NRXN1: variants seen among roughly 807,000 people sequenced by gnomAD.
NRXN1 encodes the protein neurexin-1.
Under a neutral mutation model 150.9 loss-of-function variants are expected in NRXN1, and 39 were observed. The observed-to-expected ratio is 0.26, with a 90% CI of 0.20 to 0.34. NRXN1 has a LOEUF of 0.34. Among genes scored for constraint, NRXN1 ranks in the 10% least tolerant of loss-of-function variants. The pLI is 1.00. For missense variants in NRXN1, 1,815 were observed against 1,949.9 expected (o/e 0.93, Z 1.30); for synonymous variants, 924 against 757.0 (o/e 1.22, Z -3.62).
intron 17 of NRXN1, among the ~76,000 whole-genome samples, chr2:50,240,966 T>C (rs1411066428): frequency 6.6e-6 from 1 of 151,692 alleles, no homozygotes; most frequent in Non-Finnish European, 1.5e-5. Context: ...AAGTTGGACA[T>C]ATTTCAAAGT....
At chr2:50,882,527 A>G (rs1316503007) in intron 5 of NRXN1, among the ~76,000 whole-genome samples, 1 of 151,868 alleles carries the variant, frequency 6.6e-6, no homozygotes, top group Admixed American at 6.6e-5. Flanking sequence ...GCTTCAGTGC[A>G]GTTTTCTCCC....
intron 18 of NRXN1, among the ~76,000 whole-genome samples, chr2:50,136,025 T>G (rs1706350983): frequency 6.6e-6 from 1 of 152,188 alleles, no homozygotes; most frequent in African/African-American, 2.4e-5. Flanking sequence ...TTTTCCTACT[T>G]GCCCAGTCTT....
intron 19 of NRXN1, among the ~76,000 whole-genome samples, chr2:50,089,962 A>G (rs1048069919): frequency 4.6e-5 from 7 of 152,206 alleles, no homozygotes; most frequent in African/African-American, 7.2e-5. Flanking sequence ...TATGGTTCAC[A>G]TAATTGTAGT....
rs372598838 is a variant in NRXN1, at chr2:49,937,391, C to T, written c.4216+6313G>A. Among the ~76,000 whole-genome samples the T allele has an allele frequency of 2.3e-4, 35 of 152,276 alleles. No homozygotes were observed. The South Asian group carries it at 3.5e-3, about 15-fold the overall frequency. ...GACTAAATCTTCCTTGCCTGTTTAA[C>T]TTTGTTCAATATAATTTTTATTCTG... On this transcript the variant is annotated intron_variant, in intron 22 of 22. Transcript: ENST00000401669.
intron 5 of NRXN1, among the ~76,000 whole-genome samples, chr2:50,910,228 G>T (rs1574904287): frequency 6.6e-6 from 1 of 151,818 alleles, no homozygotes; most frequent in Non-Finnish European, 1.5e-5. Flanking sequence ...GATTTAAAAA[G>T]TTAGTTGTTT....
intron 17 of NRXN1, among the ~76,000 whole-genome samples, chr2:50,424,019 A>T (rs1350636631): frequency 6.6e-6 from 1 of 151,666 alleles, no homozygotes; most frequent in East Asian, 2.0e-4. Context: ...AGATCCTGTG[A>T]GGCTGTGGGC....
rs1315687111 is a variant in NRXN1, at chr2:49,919,332, T to C, written c.*2612A>G. 6.6e-6 allele frequency: 1 copy of C among 152,124 alleles called. No homozygotes were observed. Among genetic ancestry groups the C allele is most frequent in the East Asian group, 1.9e-4 (1 of 5,200 alleles). The allele number at this position is 152,124 out of a possible 1,614,324, so 9.4% of individuals were successfully genotyped here. On this transcript the variant is annotated 3_prime_UTR_variant, in exon 23 of 23. Coordinates refer to ENST00000401669, the MANE Select transcript of NRXN1 (RefSeq NM_001330078.2). ...AAAATAATTTTTGCTAGAGTTTGTGTAAGCCAATAATATTAGAAATAATTT... is the reference window on the plus strand; with the variant it reads ...AAAATAATTTTTGCTAGAGTTTGTGCAAGCCAATAATATTAGAAATAATTT...
intron 17 of NRXN1, among the ~76,000 whole-genome samples, chr2:50,424,746 G>A (rs1288993873): frequency 6.6e-6 from 1 of 152,160 alleles, no homozygotes; most frequent in Admixed American, 6.5e-5. Context: ...TATCTAATGA[G>A]TATCAGTCCT....
rs1179609033 is a variant in NRXN1 at position 50,656,399 on chromosome 2, T to C, written c.833-32784A>G. The C allele has an allele frequency of 3.9e-5, 30 of 776,822 alleles. No individual in the cohort carries two copies. The East Asian group carries it at 7.3e-4, about 19-fold the overall frequency. The allele number at this position is 776,822 out of a possible 1,614,324, so 48.1% of individuals were successfully genotyped here. A position where few individuals can be genotyped will look rare whatever the true frequency, so the allele number is the denominator to read the frequency against. On this transcript the variant is annotated intron_variant, in intron 5 of 22. Transcript: ENST00000401669. ...GCTTCCAGAAGTCATGAAAGTGGTC[T>C]GAAGAAGTCACAAATAGGAGTTTAT...
chr2:50,739,567 A>G (rs531332978), intron 5 of NRXN1, among the ~76,000 whole-genome samples: 46 of 152,206 alleles, frequency 3.0e-4, no homozygotes, highest in Non-Finnish European at 5.9e-4. Context: ...CTGCATTATC[A>G]GACCTTACTA....
At chr2:50,447,282 T>C (rs925029585) in intron 17 of NRXN1, among the ~76,000 whole-genome samples, 1 of 151,840 alleles carries the variant, frequency 6.6e-6, no homozygotes, top group South Asian at 2.1e-4. Context: ...GAGATCAGCC[T>C]GGCCAACATG....
chr2:50,265,790 C>T (rs1054052174), intron 17 of NRXN1, among the ~76,000 whole-genome samples: 1 of 152,034 alleles, frequency 6.6e-6, no homozygotes, highest in Admixed American at 6.6e-5. Context: ...TAAGCAAATA[C>T]ATTTCACCCA....
chr2:50,173,338 C>G (rs2060144934), intron 18 of NRXN1, among the ~76,000 whole-genome samples: 1 of 152,106 alleles, frequency 6.6e-6, no homozygotes. Context: ...GTTCCTAGTT[C>G]AAAATATTTT....
chr2:50,390,058 A>G (rs1448438424), intron 17 of NRXN1, among the ~76,000 whole-genome samples: 1 of 152,222 alleles, frequency 6.6e-6, no homozygotes, highest in Non-Finnish European at 1.5e-5. Context: ...CGTCTTAAAT[A>G]GTAGTATTAG....
At chr2:49,986,960 G>A (rs1317657285) in intron 21 of NRXN1, among the ~76,000 whole-genome samples, 1 of 152,050 alleles carries the variant, frequency 6.6e-6, no homozygotes, top group East Asian at 1.9e-4. Flanking sequence ...AGTTACTTGG[G>A]AGGCTGAAGT....
At chr2:50,025,405 T>A (rs901156289) in intron 21 of NRXN1, among the ~76,000 whole-genome samples, 1 of 152,116 alleles carries the variant, frequency 6.6e-6, no homozygotes, top group African/African-American at 2.4e-5. Context: ...GAGTTAGAGA[T>A]GAGGAGTCAG....
intron 13 of NRXN1, among the ~76,000 whole-genome samples, chr2:50,500,735 T>C (rs2091899031): frequency 1.3e-5 from 2 of 152,332 alleles, no homozygotes; most frequent in South Asian, 4.1e-4. Context: ...AGATGCTGTG[T>C]TTGTATAGAA....
At chr2:50,369,667 T>A (rs998254201) in intron 17 of NRXN1, among the ~76,000 whole-genome samples, 1 of 152,036 alleles carries the variant, frequency 6.6e-6, no homozygotes, top group Admixed American at 6.6e-5. Context: ...CTGAAACACC[T>A]ACATATCTGA....
intron 5 of NRXN1, among the ~76,000 whole-genome samples, chr2:50,792,563 T>C (rs1706200908): frequency 6.6e-6 from 1 of 152,102 alleles, no homozygotes. Context: ...AGGGATGGTA[T>C]TGGTTGTAGT....
Sources: allele counts gnomAD v4.1 joint callset (sites outside exome capture counted in the v4.1 genomes callset), GRCh38; gene constraint gnomAD v4.1.1; transcripts MANE v1.5; gene names NCBI Gene and HGNC (gene_info 2026-07-23, HGNC 2026-07-21).